LTA4H: variants seen among roughly 807,000 people sequenced by gnomAD.
LTA4H encodes leukotriene A4 hydrolase.
LTA4H carries 59 observed loss-of-function variants against 89.8 expected under a neutral mutation model. That is an observed-to-expected ratio of 0.66 (90% confidence interval 0.53 to 0.82). The LOEUF is 0.82. LTA4H is among the 40% of genes least tolerant of loss of function. The pLI, the probability that LTA4H is intolerant of heterozygous loss-of-function variation, is 0.00. For missense variants in LTA4H, 617 were observed against 727.0 expected (o/e 0.85, Z 1.74); for synonymous variants, 227 against 253.1 (o/e 0.90, Z 0.98).
In LTA4H at chr12:96,024,468, GT is replaced by G; in HGVS notation, c.480+10del. On this transcript the variant is annotated intron_variant, in intron 4 of 18. Transcript: ENST00000228740. ...CATCATTTAATTGAGTTAATAATTCGTAATATTTACCTCTGCAGTATAGGTT... is the reference window on the plus strand; with the variant it reads ...CATCATTTAATTGAGTTAATAATTCGAATATTTACCTCTGCAGTATAGGTT... 6.5e-7 allele frequency: 1 copy of G among 1,538,120 alleles called. No individual in the cohort carries two copies. The highest frequency in any genetic ancestry group is 9.0e-7 in the Non-Finnish European group (1 of 1,113,158).
At position 96,001,011 on chromosome 12, in the gene LTA4H, C is replaced by G. The variant is rs771445978; in HGVS notation, c.1814G>C (p.Gly605Ala). 1 of 1,613,262 alleles carries G rather than the reference C, an allele frequency of 6.2e-7. No homozygotes were observed. The highest frequency in any genetic ancestry group is 8.5e-7 in the Non-Finnish European group (1 of 1,179,248). Residue 605 changes from glycine (G) to alanine (A), a missense_variant, in exon 19 of 19, where the codon GGG (glycine) becomes GCG (alanine). Physicochemically the swap from Gly to Ala is moderately conservative, Grantham distance 60. Transcript: ENST00000228740. ...SMHPVTAMLV[G>A]KDLKVD ...TCTTTAATCCACTTTTAAGTCTTTC[C>G]CCACCAGCATTGCAGTCACGGGATG... is the stretch of plus-strand genomic sequence containing the variant.
intron 17 of LTA4H, 125 bp downstream of exon 17, chr12:96,003,713 G>T: frequency 1.9e-6 from 1 of 524,312 alleles, no homozygotes; most frequent in Non-Finnish European, 3.4e-6. Flanking sequence ...TTATATAGAA[G>T]CAGTCAGTTT....
intron 5 of LTA4H, 82 bp from the exon 6 acceptor site, chr12:96,021,219 AG>A (rs2136900097): frequency 9.2e-7 from 1 of 1,081,848 alleles, no homozygotes; most frequent in South Asian, 1.7e-5. Flanking sequence ...CATATTTAAA[AG>A]TAAGTAAATT....
intron 11 of LTA4H, 106 bp from the exon 12 acceptor site, chr12:96,015,105 G>T: frequency 9.6e-7 from 1 of 1,038,374 alleles, no homozygotes; most frequent in Non-Finnish European, 1.4e-6. Flanking sequence ...AACTTTAGGG[G>T]AATCTAAAAC....
intron 15 of LTA4H, among the ~76,000 whole-genome samples, 182 bp downstream of exon 15, chr12:96,008,912 C>CTG (rs1355413626): frequency 6.6e-6 from 1 of 152,196 alleles, no homozygotes; most frequent in African/African-American, 2.4e-5. Context: ...GAGCAAGACC[C>CTG]TGTCTCAAAC....
At position 96,022,272 on chromosome 12, in the gene LTA4H, T is replaced by C; in HGVS notation, c.481-21A>G. ...GACACCTAATCAAGGAGAAAAATCA[T>C]TTCTAGTCATAAATAAAAGCTTCTA... is the stretch of plus-strand genomic sequence containing the variant. On this transcript the variant is annotated intron_variant, in intron 4 of 18. Coordinates refer to ENST00000228740, the MANE Select transcript of LTA4H (RefSeq NM_000895.3). The surrounding 1 kb of genome is among the most constrained non-coding windows in gnomAD (Gnocchi z 4.0). The C allele has an allele frequency of 6.7e-7, 1 of 1,481,676 alleles. No homozygotes were observed. 91.8% of individuals were successfully genotyped at this position (1,481,676 alleles called of 1,614,324 possible). A position where few individuals can be genotyped will look rare whatever the true frequency, so the allele number is the denominator to read the frequency against.
intron 5 of LTA4H, 21 bp from the exon 6 acceptor site, chr12:96,021,158 C>T (rs1950448159): frequency 6.4e-7 from 1 of 1,573,850 alleles, no homozygotes. Flanking sequence ...CAAACAAACG[C>T]ACACCACGTG....
chr12:96,017,966 A>C lies in LTA4H; in HGVS notation c.853-386T>G, dbSNP rs146310408. Among the ~76,000 whole-genome samples, 5 of 152,192 alleles carry C rather than the reference A, an allele frequency of 3.3e-5. No homozygotes were observed. The East Asian group carries it at 9.7e-4, about 29-fold the overall frequency. On this transcript the variant is annotated intron_variant, in intron 8 of 18. Transcript: ENST00000228740. ...TCCTATGTGTCCTGTGCTGTATTTT[A>C]TTTATTTTATTGCTAATCCATCACT...
intron 1 of LTA4H, among the ~76,000 whole-genome samples, chr12:96,034,987 A>C (rs2136923218): frequency 6.6e-6 from 1 of 152,334 alleles, no homozygotes; most frequent in East Asian, 1.9e-4. Flanking sequence ...AGAGCCAGGA[A>C]CTAAAATTAT....
At chr12:96,019,615 G>A (rs1197857015) in intron 6 of LTA4H, among the ~76,000 whole-genome samples, 13 of 128,112 alleles carry the variant, frequency 1.0e-4, no homozygotes, top group Admixed American at 1.7e-4. Context: ...TTTTTGAGAC[G>A]GAGTCTCGCT....
exon 1 of LTA4H, chr12:96,043,434 G>A (rs1950704093): frequency 9.9e-7 from 1 of 1,014,394 alleles, no homozygotes; most frequent in Admixed American, 2.0e-5. Context: ...CCAAGCCCAT[G>A]CATCCTCTTG....
chr12:96,038,808 A>T (rs551478801), upstream of LTA4H, among the ~76,000 whole-genome samples: 2 of 148,580 alleles, frequency 1.3e-5, no homozygotes, highest in African/African-American at 5.0e-5. Flanking sequence ...GTTTGTTTTA[A>T]TAAGAACGTC....
chr12:96,028,940 T>A (rs1950541483), intron 2 of LTA4H, 115 bp downstream of exon 2: 1 of 765,136 alleles, frequency 1.3e-6, no homozygotes, highest in East Asian at 3.0e-5. Context: ...ATAAGTAGTG[T>A]ACCAATCATT....
upstream of LTA4H, among the ~76,000 whole-genome samples, chr12:96,036,005 C>G (rs2540487): frequency 6.6e-6 from 1 of 152,040 alleles, no homozygotes; most frequent in African/African-American, 2.4e-5. Flanking sequence ...TATCAGAAGG[C>G]TTTCTTTCGT....
upstream of LTA4H, among the ~76,000 whole-genome samples, chr12:96,037,049 C>T (rs1950654214): frequency 6.6e-6 from 1 of 152,218 alleles, no homozygotes; most frequent in Non-Finnish European, 1.5e-5. Context: ...ACACCTCCCA[C>T]CAGGCCCTAC....
chr12:96,041,851 C>A (rs188946947), intron 1 of LTA4H, among the ~76,000 whole-genome samples: 1,613 of 152,212 alleles, frequency 0.011, 26 homozygotes, highest in African/African-American at 0.036. Flanking sequence ...CCGTGTTAGC[C>A]AGGATGGTCT....
chr12:96,008,902 G>A (rs1443271358), intron 15 of LTA4H, among the ~76,000 whole-genome samples, 192 bp downstream of exon 15: 1 of 152,192 alleles, frequency 6.6e-6, no homozygotes, highest in Non-Finnish European at 1.5e-5. Flanking sequence ...CTGGGCAACA[G>A]AGCAAGACCC....
chr12:96,021,999 C>G, intron 5 of LTA4H, 148 bp downstream of exon 5: 1 of 611,760 alleles, frequency 1.6e-6, no homozygotes, highest in African/African-American at 1.9e-5. Flanking sequence ...TTTAAAAGCA[C>G]AAAAGAAAAA....
chr12:96,043,200 C>A, intron 1 of LTA4H: 1 of 920,336 alleles, frequency 1.1e-6, no homozygotes, highest in South Asian at 1.4e-5. Context: ...GAGAACATGT[C>A]GGGTAGACCC....
Sources: allele counts gnomAD v4.1 joint callset (sites outside exome capture counted in the v4.1 genomes callset), GRCh38; gene constraint gnomAD v4.1.1; non-coding constraint Gnocchi (gnomAD v3.1); transcripts MANE v1.5; gene names NCBI Gene and HGNC (gene_info 2026-07-23, HGNC 2026-07-21).